Variants in PDS5B observed in about 807,000 individuals in gnomAD.
The protein encoded by PDS5B is sister chromatid cohesion protein PDS5 homolog B.
Under a neutral mutation model 184.1 loss-of-function variants are expected in PDS5B, and 51 were observed. The ratio of observed to expected loss-of-function variants is 0.28; its 90% confidence interval spans 0.22 to 0.35. The LOEUF (loss-of-function observed/expected upper bound fraction) is 0.35. Among genes scored for constraint, PDS5B ranks in the 10% least tolerant of loss-of-function variants. The probability of loss-of-function intolerance (pLI) is 1.00; values close to 1 mark genes in which losing one functional copy is unlikely to be tolerated. For synonymous variants in PDS5B, 566 were observed against 569.2 expected (o/e 0.99, Z 0.08); for missense variants, 1,180 against 1,723.3 (o/e 0.68, Z 5.58).
chr13:32,629,541 A>G (rs762925497), intron 1 of PDS5B, among the ~76,000 whole-genome samples: 9 of 152,166 alleles, frequency 5.9e-5, no homozygotes, highest in Non-Finnish European at 1.2e-4. Context: ...TACATTACTC[A>G]CTGACCCATT....
chr13:32,758,318 A>T, intron 27 of PDS5B, 99 bp downstream of exon 27: 2 of 1,073,450 alleles, frequency 1.9e-6, no homozygotes, highest in Non-Finnish European at 2.6e-6. Flanking sequence ...GCATCAAATA[A>T]TTTTTTCTAT....
intron 1 of PDS5B, among the ~76,000 whole-genome samples, chr13:32,607,272 T>C (rs9595901): frequency 0.34 from 51,466 of 152,164 alleles, 8,951 homozygotes; most frequent in Non-Finnish European, 0.38. Context: ...TTAGTTTTCC[T>C]TCTAACAGTC....
chr13:32,753,389 C>T lies in PDS5B; in HGVS notation c.2794C>T (p.Arg932Cys), dbSNP rs752499156. 30 of 1,613,816 alleles carry T rather than the reference C, an allele frequency of 1.9e-5. No homozygotes were observed. Among genetic ancestry groups the T allele is most frequent in the Non-Finnish European group, 2.4e-5 (28 of 1,179,864 alleles). The change falls in exon 25 of 35, where the codon CGT becomes TGT. Residue 932 changes from arginine (R) to cysteine (C), a missense_variant. By Grantham distance (180) the Arg-to-Cys change is radical. This residue lies in a region of PDS5B where 40 missense variants were observed against 107.2 expected (regional missense o/e 0.37). Coordinates refer to ENST00000315596, the MANE Select transcript of PDS5B (RefSeq NM_015032.4). Reference sequence around the variant, plus strand: ...CCAGAAACTTCACAAAGGCCTTTCCCGTTTACGGCTTCCACTTGAGTATAT... The same window carrying T: ...CCAGAAACTTCACAAAGGCCTTTCCTGTTTACGGCTTCCACTTGAGTATAT... ...FAQKLHKGLS[R>C]LRLPLEYMAI...
At chr13:32,751,960 A>C (rs1198297922) in intron 24 of PDS5B, among the ~76,000 whole-genome samples, 1 of 152,184 alleles carries the variant, frequency 6.6e-6, no homozygotes, top group Non-Finnish European at 1.5e-5. Flanking sequence ...TAAGGATGAG[A>C]TGTTATGACC....
intron 25 of PDS5B, 96 bp from the exon 26 acceptor site, chr13:32,755,746 T>G (rs1947776303): frequency 5.1e-6 from 3 of 585,982 alleles, no homozygotes; most frequent in Non-Finnish European, 9.1e-6. Flanking sequence ...AAAGAGTATG[T>G]AAGATTTGGT....
In PDS5B at chr13:32,706,957, A is replaced by T; in HGVS notation, c.1880A>T (p.Lys627Ile). ...AGTGCTCTTATTAAACAAGTGAACAAATCAATAGATGGAACAGCAGATGAT... is the reference window on the plus strand; with the variant it reads ...AGTGCTCTTATTAAACAAGTGAACATATCAATAGATGGAACAGCAGATGAT... ...SISALIKQVN[K>I]SIDGTADDED... is the part of the protein sequence containing the mutation. The change falls in exon 18 of 35, where the codon AAA becomes ATA. Residue 627 changes from lysine (K) to isoleucine (I), a missense_variant. Transcript: ENST00000315596. 1 of 1,611,588 alleles carries T rather than the reference A, an allele frequency of 6.2e-7. No homozygotes were observed. Among genetic ancestry groups the T allele is most frequent in the Non-Finnish European group, 8.5e-7 (1 of 1,178,818 alleles).
intron 19 of PDS5B, among the ~76,000 whole-genome samples, chr13:32,712,374 C>A (rs1193286534): frequency 2.0e-5 from 3 of 152,156 alleles, no homozygotes; most frequent in Non-Finnish European, 4.4e-5. Flanking sequence ...TGTGCACACA[C>A]TGTTGTTGAT....
At position 32,770,238 on chromosome 13, in the gene PDS5B, C is replaced by T; in HGVS notation, c.3742C>T (p.Arg1248Ter). The T allele has an allele frequency of 1.2e-6, 2 of 1,613,528 alleles. No individual in the cohort carries two copies. Among genetic ancestry groups the T allele is most frequent in the Non-Finnish European group, 1.7e-6 (2 of 1,179,920 alleles). The change falls in exon 32 of 35, where the codon CGA (arginine) becomes TGA (stop). Residue 1248 changes from arginine to a stop codon, truncating the protein, a stop_gained. Transcript: ENST00000315596. LOFTEE classifies it high-confidence loss of function. ...VQEQKPKGSQRSRKRGHTASE... is the reference protein window; with the variant it reads ...VQEQKPKGSQ Reference sequence around the variant, plus strand: ...GGAACAGAAACCTAAAGGCAGTCAGCGAAGTCGGAAAAGAGGCCATACGGC... The same window carrying T: ...GGAACAGAAACCTAAAGGCAGTCAGTGAAGTCGGAAAAGAGGCCATACGGC...
intron 1 of PDS5B, among the ~76,000 whole-genome samples, chr13:32,635,765 AT>A (rs34580707): frequency 0.57 from 61,490 of 108,404 alleles, 15,523 homozygotes; most frequent in Admixed American, 0.63. Flanking sequence ...TAGTATTCTG[AT>A]TTTTTTTTTT....
intron 30 of PDS5B, among the ~76,000 whole-genome samples, chr13:32,762,233 A>G (rs1954430982): frequency 6.6e-6 from 1 of 152,244 alleles, no homozygotes; most frequent in African/African-American, 2.4e-5. Flanking sequence ...ATTTGTTAGC[A>G]CAGAGCATTG....
intron 1 of PDS5B, among the ~76,000 whole-genome samples, chr13:32,628,016 A>G (rs2058395543): frequency 6.6e-6 from 1 of 152,204 alleles, no homozygotes; most frequent in Non-Finnish European, 1.5e-5. Flanking sequence ...TCTAGAATAG[A>G]TCTGTTGCCC....
chr13:32,604,425 C>T (rs1056835387), intron 1 of PDS5B, among the ~76,000 whole-genome samples: 1 of 152,168 alleles, frequency 6.6e-6, no homozygotes, highest in African/African-American at 2.4e-5. Context: ...GGGATGAAGC[C>T]AACTTGATCA....
At chr13:32,634,717 G>C (rs984455549) in intron 1 of PDS5B, among the ~76,000 whole-genome samples, 6 of 151,666 alleles carry the variant, frequency 4.0e-5, no homozygotes, top group African/African-American at 1.5e-4. Flanking sequence ...CCGAGTAGCG[G>C]GGATTACAGC....
intron 28 of PDS5B, among the ~76,000 whole-genome samples, chr13:32,758,978 T>C (rs1485485899): frequency 6.6e-6 from 1 of 152,042 alleles, no homozygotes; most frequent in East Asian, 1.9e-4. Flanking sequence ...AAAAGCCCTT[T>C]ATTGGGATTT....
At chr13:32,742,333 C>A (rs1472715384) in intron 22 of PDS5B, among the ~76,000 whole-genome samples, 1 of 152,128 alleles carries the variant, frequency 6.6e-6, no homozygotes, top group Non-Finnish European at 1.5e-5. Flanking sequence ...GTATGTTCTA[C>A]AGGATCAAAT....
In PDS5B at chr13:32,696,914, T is replaced by TA; in HGVS notation, c.1600+16dup. On this transcript the variant is annotated intron_variant, in intron 15 of 34. Coordinates refer to ENST00000315596, the MANE Select transcript of PDS5B (RefSeq NM_015032.4). ...GATGGTTATTACAAGTAAGTTATTT[T>TA]AAAATCTGTATAAAAATGTAATTTT... is the stretch of plus-strand genomic sequence containing the variant. 6.9e-7 allele frequency: 1 copy of TA among 1,447,078 alleles called. No individual in the cohort carries two copies. The highest frequency in any genetic ancestry group is 9.6e-7 in the Non-Finnish European group (1 of 1,042,222). The allele number at this position is 1,447,078 out of a possible 1,614,324, so 89.6% of individuals were successfully genotyped here.
chr13:32,680,002 G>A (rs1951193138), intron 10 of PDS5B, among the ~76,000 whole-genome samples: 1 of 151,726 alleles, frequency 6.6e-6, no homozygotes, highest in Admixed American at 6.6e-5. Flanking sequence ...TGCTAATACA[G>A]TATTTTCTCT....
intron 21 of PDS5B, among the ~76,000 whole-genome samples, chr13:32,738,388 A>G (rs1369698291): frequency 6.6e-6 from 1 of 152,230 alleles, no homozygotes; most frequent in African/African-American, 2.4e-5. Flanking sequence ...TCTAATAGAT[A>G]CAGTATCTCA....
chr13:32,765,697 G>C (rs971236365), intron 31 of PDS5B, among the ~76,000 whole-genome samples: 38 of 152,178 alleles, frequency 2.5e-4, no homozygotes, highest in African/African-American at 9.2e-4. Context: ...TCCGCTTCCC[G>C]GGTTCAGGTG....
Sources: gnomAD v4.1 joint callset for allele counts (sites outside exome capture counted in the v4.1 genomes callset) on GRCh38, gnomAD v4.1.1 for gene constraint, gnomAD v4.1.1 regional missense constraint, MANE v1.5 for transcripts, NCBI Gene and HGNC (gene_info 2026-07-23, HGNC 2026-07-21) for gene names.